GRIA2: variants seen among roughly 807,000 people sequenced by gnomAD.
GRIA2 encodes glutamate receptor 2.
A neutral mutation model predicts 97.3 loss-of-function variants in GRIA2; 14 were observed. That is an observed-to-expected ratio of 0.14 (90% confidence interval 0.10 to 0.23). The LOEUF (loss-of-function observed/expected upper bound fraction) is 0.23. Ranked by LOEUF, GRIA2 falls within the 10% of genes least tolerant of loss-of-function variation. GRIA2 has a pLI of 1.00. For missense variants in GRIA2, 558 were observed against 1,069.8 expected (o/e 0.52, Z 6.67); for synonymous variants, 412 against 387.8 (o/e 1.06, Z -0.73).
chr4:157,240,217 C>T (rs1016607391), intron 2 of GRIA2, among the ~76,000 whole-genome samples: 1 of 152,014 alleles, frequency 6.6e-6, no homozygotes, highest in Non-Finnish European at 1.5e-5. Context: ...AATGAAATCC[C>T]TCATTGATAG....
At position 157,226,483 on chromosome 4, in the gene GRIA2, G is replaced by T. The variant is rs148100036; in HGVS notation, c.229+4676G>T. On this transcript the variant is annotated intron_variant, in intron 2 of 15. Transcript: ENST00000264426. ...ATAGATTGTAAATGCTCTTAGAGGA[G>T]AGAGAATTCTAAAATTATATTTTTT... 1.8e-3 allele frequency among the ~76,000 whole-genome samples: 278 copies of T among 152,154 alleles called. 2 individuals carry two copies. Among genetic ancestry groups the T allele is most frequent in the African/African-American group, 6.2e-3 (258 of 41,548 alleles).
At chr4:157,228,917 G>T (rs1343045524) in intron 2 of GRIA2, among the ~76,000 whole-genome samples, 2 of 130,590 alleles carry the variant, frequency 1.5e-5, no homozygotes, top group African/African-American at 6.0e-5. Context: ...TAAGGCCCCT[G>T]ACCGTTATGG....
At chr4:157,262,771 C>T (rs1279826006) in intron 2 of GRIA2, among the ~76,000 whole-genome samples, 1 of 151,998 alleles carries the variant, frequency 6.6e-6, no homozygotes, top group Admixed American at 6.6e-5. Flanking sequence ...CTCTCATTAA[C>T]CCCTAAAGAA....
chr4:157,326,446 C>T (rs1041762544), intron 6 of GRIA2, among the ~76,000 whole-genome samples: 3 of 152,106 alleles, frequency 2.0e-5, no homozygotes, highest in Admixed American at 6.5e-5. Context: ...AACTCAGGCT[C>T]CTAGAATAAA....
chr4:157,265,305 A>G (rs1731720622), intron 2 of GRIA2, among the ~76,000 whole-genome samples: 1 of 152,140 alleles, frequency 6.6e-6, no homozygotes, highest in African/African-American at 2.4e-5. Flanking sequence ...TACATAACAA[A>G]CCAGCCCAAA....
intron 2 of GRIA2, among the ~76,000 whole-genome samples, chr4:157,242,523 G>A (rs1730554332): frequency 1.3e-5 from 2 of 152,062 alleles, no homozygotes; most frequent in South Asian, 2.1e-4. Flanking sequence ...TATGCTTTCT[G>A]ATGATAGAGG....
intron 6 of GRIA2, among the ~76,000 whole-genome samples, chr4:157,329,598 C>G (rs1452623988): frequency 2.0e-5 from 3 of 151,706 alleles, no homozygotes; most frequent in African/African-American, 7.3e-5. Flanking sequence ...ATCACAGAAC[C>G]CTTTTGTGTG....
At chr4:157,340,752 A>G (rs1369709080) in intron 11 of GRIA2, among the ~76,000 whole-genome samples, 1 of 151,980 alleles carries the variant, frequency 6.6e-6, no homozygotes, top group East Asian at 1.9e-4. Flanking sequence ...TACATACACA[A>G]AATTAACAAA....
intron 2 of GRIA2, among the ~76,000 whole-genome samples, chr4:157,264,464 C>T (rs1731680268): frequency 6.6e-6 from 1 of 152,078 alleles, no homozygotes; most frequent in South Asian, 2.1e-4. Flanking sequence ...TTTTGAATTC[C>T]TCTTTCACTT....
intron 2 of GRIA2, among the ~76,000 whole-genome samples, chr4:157,231,183 T>G (rs1730000201): frequency 1.3e-5 from 2 of 151,976 alleles, no homozygotes; most frequent in South Asian, 4.1e-4. Flanking sequence ...GGACTACAGG[T>G]GCACACCGCC....
intron 6 of GRIA2, among the ~76,000 whole-genome samples, chr4:157,329,183 T>C (rs749952066): frequency 4.6e-5 from 7 of 151,960 alleles, no homozygotes; most frequent in Admixed American, 6.6e-5. Context: ...CTGTTGGTTA[T>C]CTTAAAAAAA....
chr4:157,331,061 G>C (rs551111577), intron 6 of GRIA2, among the ~76,000 whole-genome samples: 1 of 152,028 alleles, frequency 6.6e-6, no homozygotes. Flanking sequence ...TAAGCAAAAA[G>C]GAACTCTGGA....
chr4:157,227,786 A>G (rs1729814150), intron 2 of GRIA2, among the ~76,000 whole-genome samples: 1 of 152,202 alleles, frequency 6.6e-6, no homozygotes, highest in Non-Finnish European at 1.5e-5. Flanking sequence ...TTCTCCAAAG[A>G]TCTACATAAT....
chr4:157,243,322 A>G (rs1193378217), intron 2 of GRIA2, among the ~76,000 whole-genome samples: 2 of 152,086 alleles, frequency 1.3e-5, no homozygotes, highest in Non-Finnish European at 2.9e-5. Context: ...TTATTTTAGA[A>G]ATCTGATAGA....
At chr4:157,262,304 A>G (rs1731577067) in intron 2 of GRIA2, among the ~76,000 whole-genome samples, 1 of 152,060 alleles carries the variant, frequency 6.6e-6, no homozygotes, top group African/African-American at 2.4e-5. Flanking sequence ...TTGGGGAGTC[A>G]AGCATTAGGC....
chr4:157,295,082 A>G (rs1050379445), intron 2 of GRIA2, among the ~76,000 whole-genome samples: 1 of 152,134 alleles, frequency 6.6e-6, no homozygotes, highest in East Asian at 1.9e-4. Context: ...TGCTGGTTCT[A>G]CAATTGCCTG....
intron 2 of GRIA2, among the ~76,000 whole-genome samples, chr4:157,265,084 T>G (rs1731709253): frequency 6.6e-6 from 1 of 152,154 alleles, no homozygotes; most frequent in South Asian, 2.1e-4. Context: ...TATACTGCCC[T>G]TGTTAAGATA....
In GRIA2 at chr4:157,361,504, T is replaced by G. The variant is rs1204284311; in HGVS notation, c.2406+380T>G. The stretch of plus-strand genomic sequence containing the variant: ...TGTAATGAATAACATAAAATAACAT[T>G]GATAATGTTATTTATGTTATTTTCC... On this transcript the variant is annotated intron_variant, in intron 14 of 15. Coordinates refer to ENST00000264426, the MANE Select transcript of GRIA2 (RefSeq NM_001083619.3). This position sits in a 1 kb window ranked among gnomAD's most constrained non-coding sequence, Gnocchi z 5.2. 5 of 1,351,540 alleles carry G rather than the reference T, an allele frequency of 3.7e-6. No homozygotes were observed. The highest frequency in any genetic ancestry group is 1.8e-4 in the Middle Eastern group (1 of 5,500). The allele number at this position is 1,351,540 out of a possible 1,614,324, so 83.7% of individuals were successfully genotyped here.
intron 14 of GRIA2, chr4:157,362,363 T>A: frequency 2.2e-6 from 1 of 456,510 alleles, no homozygotes; most frequent in South Asian, 1.5e-5. Flanking sequence ...AGTAACATGG[T>A]CAACATTTAA....
Sources: gnomAD v4.1 joint callset for allele counts (sites outside exome capture counted in the v4.1 genomes callset) on GRCh38, gnomAD v4.1.1 for gene constraint, Gnocchi (gnomAD v3.1) non-coding constraint, MANE v1.5 for transcripts, NCBI Gene and HGNC (gene_info 2026-07-23, HGNC 2026-07-21) for gene names.